The following FBXO38 variants were observed in gnomAD, a reference collection of about 807,000 sequenced individuals.
The protein encoded by FBXO38 is F-box protein 38.
In FBXO38, 53 loss-of-function variants were observed where a neutral mutation model predicts 131.9. The observed-to-expected ratio is 0.40, with a 90% CI of 0.32 to 0.51. The LOEUF is 0.51. Ranked by LOEUF, FBXO38 falls within the 20% of genes least tolerant of loss-of-function variation. The pLI is 0.53. For missense variants in FBXO38, 1,076 were observed against 1,475.6 expected (o/e 0.73, Z 4.44); for synonymous variants, 452 against 505.6 (o/e 0.89, Z 1.42).
chr5:148,384,060 G>C (rs1757777882), intron 1 of FBXO38, 21 bp downstream of exon 1: 1 of 153,364 alleles, frequency 6.5e-6, no homozygotes, highest in African/African-American at 2.4e-5. Flanking sequence ...GGCTGAGTGG[G>C]CCTGGGGACC....
At chr5:148,389,582 G>A (rs1284657912) in intron 1 of FBXO38, among the ~76,000 whole-genome samples, 2 of 152,144 alleles carry the variant, frequency 1.3e-5, no homozygotes, top group Non-Finnish European at 2.9e-5. Context: ...AGTTTCTCAA[G>A]TGAGTTGAAG....
At chr5:148,404,645 AT>A in intron 5 of FBXO38, 39 bp from the exon 6 acceptor site, 1 of 1,503,084 alleles carries the variant, frequency 6.7e-7, no homozygotes, top group Non-Finnish European at 8.9e-7. Flanking sequence ...TATTTTTGTG[AT>A]TTTTTTCTTG....
intron 10 of FBXO38, among the ~76,000 whole-genome samples, 193 bp downstream of exon 10, chr5:148,414,499 G>A (rs534150015): frequency 9.2e-5 from 14 of 152,170 alleles, no homozygotes; most frequent in Middle Eastern, 6.8e-3. Context: ...AACTTCTGAC[G>A]TTCTCTGCCT....
At chr5:148,410,841 G>T (rs958423925) in intron 9 of FBXO38, 76 bp downstream of exon 9, 137 of 1,385,548 alleles carry the variant, frequency 9.9e-5, no homozygotes, top group Middle Eastern at 3.8e-4. Context: ...GAATTGGGTT[G>T]TGCCATGTCT....
intron 12 of FBXO38, among the ~76,000 whole-genome samples, chr5:148,421,232 G>A (rs1412771228): frequency 2.6e-5 from 4 of 152,110 alleles, no homozygotes; most frequent in African/African-American, 9.7e-5. Context: ...CCAAAGTACT[G>A]GGATTATAGG....
chr5:148,390,355 T>A (rs1351587649), intron 1 of FBXO38, among the ~76,000 whole-genome samples: 1 of 152,170 alleles, frequency 6.6e-6, no homozygotes, highest in Non-Finnish European at 1.5e-5. Context: ...AGGCTATAAG[T>A]CCTGTCAATC....
chr5:148,434,381 AATTG>A (rs1414761890), intron 17 of FBXO38: 2 of 152,204 alleles, frequency 1.3e-5, no homozygotes, highest in Non-Finnish European at 2.9e-5. Context: ...TGTATCCTAT[AATTG>A]ATCTATTAAT....
intron 1 of FBXO38, among the ~76,000 whole-genome samples, chr5:148,387,690 CTTTTT>C (rs142417126): frequency 1.6e-5 from 2 of 126,688 alleles, no homozygotes; most frequent in South Asian, 5.3e-4. Flanking sequence ...GAATTTATTT[CTTTTT>C]TTTTTTTTTT....
intron 20 of FBXO38, 107 bp from the exon 21 acceptor site, chr5:148,441,017 G>C: frequency 2.6e-6 from 2 of 768,838 alleles, no homozygotes; most frequent in South Asian, 1.5e-5. Flanking sequence ...GAGGACACCT[G>C]ACTCACTCTC....
At chr5:148,392,737 A>AT (rs926670462) in intron 1 of FBXO38, among the ~76,000 whole-genome samples, 1 of 152,008 alleles carries the variant, frequency 6.6e-6, no homozygotes, top group African/African-American at 2.4e-5. Flanking sequence ...AGAATCGAGA[A>AT]TATCACTTTC....
At chr5:148,390,115 A>G (rs185086075) in intron 1 of FBXO38, 21 of 152,206 alleles carry the variant, frequency 1.4e-4, no homozygotes, top group African/African-American at 4.8e-4. Context: ...ATATAGGGAA[A>G]CCAGGTCCCT....
At chr5:148,438,778 G>A (rs574576400) in intron 18 of FBXO38, among the ~76,000 whole-genome samples, 4 of 152,158 alleles carry the variant, frequency 2.6e-5, no homozygotes, top group East Asian at 3.9e-4. Context: ...ATTTGACTTC[G>A]ATGTCTTAGT....
intron 14 of FBXO38, among the ~76,000 whole-genome samples, chr5:148,425,991 T>A (rs946739375): frequency 6.6e-6 from 1 of 152,182 alleles, no homozygotes; most frequent in Non-Finnish European, 1.5e-5. Context: ...GCGAAAAGCC[T>A]GTGCCTTATG....
At position 148,404,835 on chromosome 5, in the gene FBXO38, A is replaced by G. The variant is rs780200903; in HGVS notation, c.730+13A>G. Reference sequence around the variant, plus strand: ...AGGAACTGTGCAGGTAATGGTACACAATTATGGTGGAATTAAACATAAGTT... The same window carrying G: ...AGGAACTGTGCAGGTAATGGTACACGATTATGGTGGAATTAAACATAAGTT... On this transcript the variant is annotated intron_variant, in intron 6 of 21. Coordinates refer to ENST00000340253, the MANE Select transcript of FBXO38 (RefSeq NM_205836.3). 6.3e-7 allele frequency: 1 copy of G among 1,579,106 alleles called. No individual in the cohort carries two copies. The highest frequency in any genetic ancestry group is 8.5e-7 in the Non-Finnish European group (1 of 1,169,718).
At chr5:148,424,579 A>T (rs1256796344) in intron 13 of FBXO38, among the ~76,000 whole-genome samples, 1 of 152,170 alleles carries the variant, frequency 6.6e-6, no homozygotes, top group Non-Finnish European at 1.5e-5. Flanking sequence ...CTTAAAGATT[A>T]ACTCGCATAG....
intron 12 of FBXO38, among the ~76,000 whole-genome samples, chr5:148,419,992 T>C (rs567428374): frequency 2.7e-5 from 4 of 150,732 alleles, no homozygotes; most frequent in Non-Finnish European, 5.9e-5. Flanking sequence ...CAGGATATTA[T>C]CTTAAGTTTG....
At chr5:148,385,521 C>T (rs2113467438) in intron 1 of FBXO38, among the ~76,000 whole-genome samples, 1 of 152,320 alleles carries the variant, frequency 6.6e-6, no homozygotes, top group Non-Finnish European at 1.5e-5. Context: ...TTGGACAAGC[C>T]ATCTAACATC....
chr5:148,439,838 TAGC>T (rs1754570637), intron 19 of FBXO38, 46 bp downstream of exon 19: 3 of 1,583,112 alleles, frequency 1.9e-6, no homozygotes, highest in Non-Finnish European at 2.6e-6. Context: ...TCATTTCTCA[TAGC>T]AGGGACTCCC....
At chr5:148,390,809 A>G (rs943298370) in intron 1 of FBXO38, among the ~76,000 whole-genome samples, 5 of 152,220 alleles carry the variant, frequency 3.3e-5, no homozygotes, top group Admixed American at 1.3e-4. Flanking sequence ...CAAAAGCACC[A>G]CATTGCAGAA....
Sources: allele counts gnomAD v4.1 joint callset (sites outside exome capture counted in the v4.1 genomes callset), GRCh38; gene constraint gnomAD v4.1.1; transcripts MANE v1.5; gene names NCBI Gene and HGNC (gene_info 2026-07-23, HGNC 2026-07-21).